The following DLG2 variants were observed in gnomAD, a reference collection of about 807,000 sequenced individuals.
The protein encoded by DLG2 is discs large MAGUK scaffold protein 2.
DLG2 carries 45 observed loss-of-function variants against 132.5 expected under a neutral mutation model. That is an observed-to-expected ratio of 0.34 (90% confidence interval 0.27 to 0.44). DLG2 has a LOEUF of 0.44. Ranked by LOEUF, DLG2 falls within the 20% of genes least tolerant of loss-of-function variation. DLG2 has a pLI of 1.00. For missense variants in DLG2, 1,045 were observed against 1,196.9 expected, an observed-to-expected ratio of 0.87 and a Z score of 1.87; for synonymous variants, 424 against 419.6, an observed-to-expected ratio of 1.01 and a Z score of -0.13.
chr11:84,140,269 C>A (rs1182552444), intron 9 of DLG2, among the ~76,000 whole-genome samples: 2 of 152,038 alleles, frequency 1.3e-5, no homozygotes, highest in African/African-American at 4.8e-5. Context: ...AAATGAGGAG[C>A]ATCATGTTTC....
In DLG2 at chr11:83,469,346, T is replaced by C; in HGVS notation, c.2474A>G (p.Glu825Gly). The part of the protein sequence containing the change: ...PHTTRPKRDY[E>G]VDGRDYHFVI... ...AAAGTGATAGTCTCTGCCATCCACC[T>C]CGTAGTCTCGCTTTGGCCTCGTAGT... Residue 825 changes from glutamate (E) to glycine (G), a missense_variant, in exon 25 of 28, where the codon GAG becomes GGG. Physicochemically the swap from Glu to Gly is moderately conservative, Grantham distance 98. Coordinates refer to ENST00000376104, the MANE Select transcript of DLG2 (RefSeq NM_001142699.3). 1 of 1,612,522 alleles carries C rather than the reference T, an allele frequency of 6.2e-7. No homozygotes were observed. Among genetic ancestry groups the C allele is most frequent in the Non-Finnish European group, 8.5e-7 (1 of 1,179,466 alleles).
chr11:85,134,057 A>T (rs1241582855), intron 5 of DLG2, among the ~76,000 whole-genome samples: 1 of 152,066 alleles, frequency 6.6e-6, no homozygotes, highest in Admixed American at 6.6e-5. Flanking sequence ...AGGGAGAGTG[A>T]GAGAGAGTGA....
intron 8 of DLG2, among the ~76,000 whole-genome samples, chr11:84,232,136 T>C (rs975740136): frequency 2.0e-5 from 3 of 152,210 alleles, no homozygotes; most frequent in African/African-American, 7.2e-5. Context: ...GGATTTCTCT[T>C]GTATTCAGGT....
At chr11:83,695,889 A>G (rs1229411703) in intron 18 of DLG2, among the ~76,000 whole-genome samples, 1 of 152,136 alleles carries the variant, frequency 6.6e-6, no homozygotes, top group Non-Finnish European at 1.5e-5. Flanking sequence ...ATGTGAAACA[A>G]CCTGAAGGTT....
intron 16 of DLG2, among the ~76,000 whole-genome samples, chr11:83,853,960 A>G (rs1015106403): frequency 6.6e-5 from 10 of 152,182 alleles, no homozygotes; most frequent in African/African-American, 2.2e-4. Flanking sequence ...CACAGATAAC[A>G]TAATACTCTT....
chr11:83,690,925 G>A (rs2080879679), intron 18 of DLG2, among the ~76,000 whole-genome samples: 1 of 152,064 alleles, frequency 6.6e-6, no homozygotes, highest in African/African-American at 2.4e-5. Context: ...TATTGTCTAT[G>A]GCTGCTTTTG....
Position 85,244,141 on chromosome 11 carries a change from G to A in DLG2, c.186+41079C>T, listed in dbSNP as rs115060649. On this transcript the variant is annotated intron_variant, in intron 4 of 27. Coordinates refer to ENST00000376104, the MANE Select transcript of DLG2 (RefSeq NM_001142699.3). Reference sequence around the variant, plus strand: ...AATCTAGATGATTTATTAAAAACTGGATCTACTTCTCTAATCCAATATAGA... The same window carrying A: ...AATCTAGATGATTTATTAAAAACTGAATCTACTTCTCTAATCCAATATAGA... 4.8e-3 allele frequency among the ~76,000 whole-genome samples: 723 copies of A among 152,022 alleles called. 6 individuals are homozygous for A. Among genetic ancestry groups the A allele is most frequent in the African/African-American group, 0.017 (691 of 41,516 alleles).
At chr11:85,451,596 G>A (rs72951993) in intron 3 of DLG2, among the ~76,000 whole-genome samples, 4,582 of 152,060 alleles carry the variant, frequency 0.03, 103 homozygotes, top group East Asian at 0.096. Flanking sequence ...CTCAAATTTT[G>A]ACATTTATTA....
At chr11:84,274,828 C>T (rs1053314669) in intron 7 of DLG2, among the ~76,000 whole-genome samples, 1 of 152,146 alleles carries the variant, frequency 6.6e-6, no homozygotes, top group African/African-American at 2.4e-5. Context: ...ATCAATTCAA[C>T]CAACCTTCTC....
intron 6 of DLG2, among the ~76,000 whole-genome samples, chr11:84,537,794 T>C (rs1476730527): frequency 6.6e-6 from 1 of 152,214 alleles, no homozygotes; most frequent in Non-Finnish European, 1.5e-5. Flanking sequence ...GCTCAATAAG[T>C]GTTTGTTGAA....
intron 18 of DLG2, among the ~76,000 whole-genome samples, chr11:83,776,234 C>A (rs12283611): frequency 0.44 from 67,213 of 151,978 alleles, 15,260 homozygotes; most frequent in Middle Eastern, 0.59. Context: ...TTCATAGGTC[C>A]ATATTTATGT....
intron 3 of DLG2, among the ~76,000 whole-genome samples, chr11:85,337,719 A>G (rs2082226389): frequency 1.3e-5 from 2 of 152,114 alleles, no homozygotes; most frequent in South Asian, 4.1e-4. Flanking sequence ...GGTGCTCTAC[A>G]CTGGAAGAAA....
intron 7 of DLG2, among the ~76,000 whole-genome samples, chr11:84,352,477 G>A (rs1029754765): frequency 2.6e-5 from 4 of 152,112 alleles, no homozygotes; most frequent in African/African-American, 7.2e-5. Flanking sequence ...TTGTAATTTT[G>A]TAATATATCA....
At chr11:83,597,624 C>CCA (rs1555229336) in intron 19 of DLG2, among the ~76,000 whole-genome samples, 1 of 148,726 alleles carries the variant, frequency 6.7e-6, no homozygotes, top group Non-Finnish European at 1.5e-5. Context: ...ATCTCTACCC[C>CCA]AAAAAAAAAA....
At chr11:84,864,197 CT>C (rs999479689) in intron 6 of DLG2, among the ~76,000 whole-genome samples, 1 of 152,160 alleles carries the variant, frequency 6.6e-6, no homozygotes, top group Non-Finnish European at 1.5e-5. Flanking sequence ...ATTTGGAAAC[CT>C]TTAGAAGGGA....
intron 6 of DLG2, among the ~76,000 whole-genome samples, chr11:84,538,492 G>T (rs574831309): frequency 1.3e-5 from 2 of 152,090 alleles, no homozygotes; most frequent in Non-Finnish European, 2.9e-5. Context: ...GACAAATCCC[G>T]TGATGTGAAT....
intron 21 of DLG2, among the ~76,000 whole-genome samples, chr11:83,519,462 G>GT (rs545892890): frequency 1.3e-5 from 2 of 152,032 alleles, no homozygotes; most frequent in Non-Finnish European, 1.5e-5. Flanking sequence ...CTAATTTTGT[G>GT]TTTTTTATGT....
chr11:83,870,230 C>A (rs544493435), intron 16 of DLG2, among the ~76,000 whole-genome samples: 2 of 152,296 alleles, frequency 1.3e-5, no homozygotes, highest in Admixed American at 1.3e-4. Flanking sequence ...TATCCATCAA[C>A]AGAATAATGT....
intron 16 of DLG2, among the ~76,000 whole-genome samples, chr11:83,851,280 C>A (rs543860436): frequency 2.6e-5 from 4 of 152,004 alleles, no homozygotes; most frequent in Non-Finnish European, 5.9e-5. Context: ...AAGAAGAGGT[C>A]ACAGTGGAGT....
Sources: allele counts gnomAD v4.1 joint callset (sites outside exome capture counted in the v4.1 genomes callset), GRCh38; gene constraint gnomAD v4.1.1; transcripts MANE v1.5; gene names NCBI Gene and HGNC (gene_info 2026-07-23, HGNC 2026-07-21).